The following TBC1D28 variants were observed in gnomAD, a reference collection of about 807,000 sequenced individuals.
The protein encoded by TBC1D28 is TBC1 domain family, member 28.
In TBC1D28, 20 loss-of-function variants were observed where a neutral mutation model predicts 29.2. The observed-to-expected ratio is 0.68, with a 90% confidence interval of 0.48 to 0.99. The LOEUF is 0.99. TBC1D28 is among the 50% of genes least tolerant of loss of function. The pLI is 0.00. For missense variants in TBC1D28, 205 were observed against 243.7 expected (o/e 0.84, Z 1.06); for synonymous variants, 65 against 90.9 (o/e 0.71, Z 1.62).
chr17:18,636,536 C>T (rs763855902), exon 9 of TBC1D28: 30 of 1,613,672 alleles, frequency 1.9e-5, no homozygotes, highest in Non-Finnish European at 2.4e-5. Context: ...TATCGCTGCC[C>T]GGGAATACTC....
rs1307065351 is a variant in TBC1D28 at position 18,641,355 on chromosome 17, T to C, written c.-1-2A>G. 6 of 1,613,868 alleles carry C rather than the reference T, an allele frequency of 3.7e-6. No individual in the cohort carries two copies. The South Asian group carries it at 4.4e-5, about 12-fold the overall frequency. On this transcript the variant is annotated splice_acceptor_variant, in intron 2 of 8. Transcript: ENST00000345096. LOFTEE classifies it low-confidence loss of function (5UTR_SPLICE). Reference sequence around the variant, plus strand: ...TCCGGGTCCTCATCCATCTCCATCCTGCAAGACAAAGTCATCCCAAGGCTC... The same window carrying C: ...TCCGGGTCCTCATCCATCTCCATCCCGCAAGACAAAGTCATCCCAAGGCTC...
chr17:18,640,158 A>G (rs2031697131), intron 4 of TBC1D28, among the ~76,000 whole-genome samples: 1 of 152,164 alleles, frequency 6.6e-6, no homozygotes, highest in South Asian at 2.1e-4. Flanking sequence ...GTGCTGACTG[A>G]GCCAGCGGGA....
At chr17:18,635,408 G>C (rs2031448821) in exon 9 of TBC1D28, 1 of 520,110 alleles carries the variant, frequency 1.9e-6, no homozygotes, top group African/African-American at 2.1e-5. Context: ...AGCGCCCCCT[G>C]CACCTGAGCC....
Position 18,641,524 on chromosome 17 carries a change from G to A in TBC1D28, c.-2+108C>T, listed in dbSNP as rs2031764544. The A allele has an allele frequency of 6.8e-6, 5 of 730,682 alleles. No individual in the cohort carries two copies. In the South Asian group the frequency reaches 9.4e-5, roughly 14 times the overall value. The allele number at this position is 730,682 out of a possible 1,614,324, so 45.3% of individuals were successfully genotyped here. A position where few individuals can be genotyped will look rare whatever the true frequency, so the allele number is the denominator to read the frequency against. ...TGGCCCCACCCCTGACTGGATCTCT[G>A]AAGTCCTGACCTCCAACCAGTGGTG... On this transcript the variant is annotated intron_variant, in intron 2 of 8. Coordinates refer to ENST00000345096, the Ensembl canonical transcript of TBC1D28.
intron 5 of TBC1D28, chr17:18,638,927 A>G (rs1417898869): frequency 1.0e-5 from 8 of 775,484 alleles, no homozygotes; most frequent in Non-Finnish European, 1.2e-5. Flanking sequence ...AGTTTTGGTC[A>G]GGTCCAGCCT....
chr17:18,636,102 G>T, exon 9 of TBC1D28: 1 of 1,042,230 alleles, frequency 9.6e-7, no homozygotes, highest in Non-Finnish European at 1.2e-6. Context: ...GAGCCACCTG[G>T]GTGACCCCCC....
exon 8 of TBC1D28, chr17:18,637,872 G>A (rs776674288): frequency 6.2e-6 from 10 of 1,613,682 alleles, no homozygotes; most frequent in Admixed American, 1.7e-5. Flanking sequence ...ACTTGACTCC[G>A]AATCTTTGTA....
In TBC1D28 at chr17:18,636,295, G is replaced by T. The variant is rs2031492115; in HGVS notation, c.*167C>A. The T allele has an allele frequency of 1.3e-5, 19 of 1,424,702 alleles. No individual in the cohort carries two copies. In the South Asian group the frequency reaches 3.0e-4, roughly 22 times the overall value. The allele number at this position is 1,424,702 out of a possible 1,614,324, so 88.3% of individuals were successfully genotyped here. A position where few individuals can be genotyped will look rare whatever the true frequency, so the allele number is the denominator to read the frequency against. The stretch of plus-strand genomic sequence containing the variant: ...CAAGGACCATCCTGTGTGGGACCCT[G>T]CCAAGCTCCTAGGCTTTGGGGCAAC... On this transcript the variant is annotated 3_prime_UTR_variant, in exon 9 of 9. Transcript: ENST00000345096.
chr17:18,638,404 C>T (rs2031604653), exon 7 of TBC1D28: 5 of 1,614,242 alleles, frequency 3.1e-6, no homozygotes, highest in Non-Finnish European at 3.4e-6. Flanking sequence ...AATGACTTTG[C>T]ATACTCTTTG....
chr17:18,634,837 A>T (rs561584115), downstream of TBC1D28, among the ~76,000 whole-genome samples: 5 of 129,476 alleles, frequency 3.9e-5, no homozygotes, highest in African/African-American at 1.4e-4. Context: ...TCAGCCCCTC[A>T]GCCTCCTCAG....
intron 4 of TBC1D28, 25 bp downstream of exon 5, chr17:18,640,996 TG>T (rs769245543): frequency 5.7e-6 from 3 of 523,920 alleles, no homozygotes; most frequent in African/African-American, 7.0e-5. Flanking sequence ...GATTGGTGGC[TG>T]GGGTCGGGGG....
At chr17:18,636,689 G>A in intron 8 of TBC1D28, 92 bp from the exon 10 acceptor site, 2 of 1,481,682 alleles carry the variant, frequency 1.3e-6, no homozygotes, top group Non-Finnish European at 9.2e-7. Context: ...ACACAATTCT[G>A]GGTTCAGATG....
exon 2 of TBC1D28, chr17:18,641,650 C>T (rs1476536793): frequency 3.3e-5 from 15 of 460,076 alleles, no homozygotes; most frequent in South Asian, 1.0e-4. Flanking sequence ...GCAGGACAAA[C>T]GGCGTCCACT....
At chr17:18,641,540 A>G in intron 2 of TBC1D28, 92 bp downstream of exon 3, 1 of 656,816 alleles carries the variant, frequency 1.5e-6, no homozygotes, top group South Asian at 2.0e-5. Flanking sequence ...CTGACCTCCA[A>G]CCAGTGGTGG....
chr17:18,641,177 C>G, intron 3 of TBC1D28, 73 bp from the exon 5 acceptor site: 5 of 1,181,148 alleles, frequency 4.2e-6, no homozygotes, highest in Non-Finnish European at 5.8e-6. Context: ...GTGGGCAGCC[C>G]CTCCCCACCC....
At position 18,641,113 on chromosome 17, in the gene TBC1D28, C is replaced by G. The variant is rs2031742169; in HGVS notation, c.76-9G>C. On this transcript the variant is annotated splice_polypyrimidine_tract_variant and intron_variant, in intron 3 of 8. Transcript: ENST00000345096. ...GCCCCAGCTCGGTGTCCCTGAAACC[C>G]AGAGGAGGCCAGGATAGTGGGGGTA... 1 of 725,946 alleles carries G rather than the reference C, an allele frequency of 1.4e-6. No homozygotes were observed. Among genetic ancestry groups the G allele is most frequent in the Non-Finnish European group, 2.2e-6 (1 of 452,952 alleles). The allele number at this position is 725,946 out of a possible 1,614,324, so 45.0% of individuals were successfully genotyped here.
exon 9 of TBC1D28, chr17:18,635,320 G>A (rs2031442668): frequency 6.4e-6 from 1 of 155,488 alleles, no homozygotes; most frequent in Non-Finnish European, 1.4e-5. Context: ...CATCCTTCCC[G>A]GGGATCTGAA....
downstream of TBC1D28, among the ~76,000 whole-genome samples, chr17:18,634,809 C>T (rs1335569523): frequency 7.1e-6 from 1 of 141,658 alleles, no homozygotes; most frequent in African/African-American, 2.7e-5. Context: ...CCCTCAGCCC[C>T]TCAGCCGCCT....
chr17:18,636,584 A>G (rs1442288615), exon 9 of TBC1D28: 6 of 1,613,208 alleles, frequency 3.7e-6, no homozygotes, highest in Non-Finnish European at 4.2e-6. Flanking sequence ...AGGATGTCAC[A>G]TAATTCCTGC....
Sources: gnomAD v4.1 joint callset for allele counts (sites outside exome capture counted in the v4.1 genomes callset) on GRCh38, gnomAD v4.1.1 for gene constraint, MANE v1.5 for transcripts, NCBI Gene and HGNC (gene_info 2026-07-23, HGNC 2026-07-21) for gene names.